The following ZNF469 variants were observed in gnomAD, a reference collection of about 807,000 sequenced individuals.
ZNF469 encodes zinc finger protein 469.
Under a neutral mutation model 1.0 loss-of-function variants are expected in ZNF469, and 1 was observed. The observed-to-expected ratio is 1.00, with a 90% CI of 0.35 to 4.73. ZNF469 has a LOEUF of 4.73. Among genes scored for constraint, ZNF469 ranks in the 30% most tolerant of loss-of-function variants. ZNF469 has a pLI of 0.16. For synonymous variants in ZNF469, 2,703 were observed against 2,363.4 expected (o/e 1.14, Z -4.17); for missense variants, 6,100 against 5,356.3 (o/e 1.14, Z -4.33).
the ZNF469 span, among the ~76,000 whole-genome samples, chr16:88,256,190 C>G: frequency 6.6e-6 from 1 of 152,182 alleles, no homozygotes; most frequent in African/African-American, 2.4e-5. Context: ...CCTAAAAATC[C>G]TCTCTGTCCT....
chr16:88,115,130 C>T, the ZNF469 span, among the ~76,000 whole-genome samples: 71,863 of 152,020 alleles, frequency 0.47, 18,008 homozygotes, highest in Middle Eastern at 0.6. Context: ...TGGTCTGTGC[C>T]GGGCTCTGCG....
chr16:88,390,499 C>T (rs1480255975), intron 1 of ZNF469, among the ~76,000 whole-genome samples: 3 of 152,232 alleles, frequency 2.0e-5, no homozygotes, highest in Non-Finnish European at 4.4e-5. Context: ...CCCCACTGCT[C>T]CTCCTGACCC....
chr16:88,111,454 G>A, the ZNF469 span, among the ~76,000 whole-genome samples: 2 of 152,062 alleles, frequency 1.3e-5, no homozygotes, highest in Admixed American at 1.3e-4. Flanking sequence ...TGTTGACTGT[G>A]CTCACCCTGT....
At chr16:88,253,926 A>C in the ZNF469 span, among the ~76,000 whole-genome samples, 12 of 151,752 alleles carry the variant, frequency 7.9e-5, no homozygotes, top group Admixed American at 5.3e-4. Flanking sequence ...TTCCATGCCA[A>C]ATCTACATTG....
upstream of ZNF469, among the ~76,000 whole-genome samples, chr16:88,380,843 G>A (rs1325672694): frequency 1.0e-5 from 1 of 96,112 alleles, no homozygotes; most frequent in Non-Finnish European, 2.2e-5. Context: ...CACTCACACA[G>A]ACATGCACTC....
At chr16:88,203,876 C>T in the ZNF469 span, among the ~76,000 whole-genome samples, 3 of 152,288 alleles carry the variant, frequency 2.0e-5, no homozygotes, top group South Asian at 4.1e-4. Flanking sequence ...GACACTCACA[C>T]GGGTCGGGGG....
chr16:88,430,679 G>C lies in ZNF469; in HGVS notation c.3209G>C (p.Gly1070Ala). 5 of 1,493,940 alleles carry C rather than the reference G, an allele frequency of 3.3e-6. No homozygotes were observed. The highest frequency in any genetic ancestry group is 4.4e-6 in the Non-Finnish European group (5 of 1,128,904). 92.5% of individuals were successfully genotyped at this position (1,493,940 alleles called of 1,614,324 possible). Residue 1070 changes from glycine (G) to alanine (A), a missense_variant, in exon 3 of 3, where the codon GGC becomes GCC. Coordinates refer to ENST00000565624, the MANE Select transcript of ZNF469 (RefSeq NM_001367624.2). Reference sequence around the variant, plus strand: ...CACCGGCGGCTGGGGCGGCGGGCGGGCAGGTGCGGCTCCCTGGCGGCGGGG... The same window carrying C: ...CACCGGCGGCTGGGGCGGCGGGCGGCCAGGTGCGGCTCCCTGGCGGCGGGG... Reference protein sequence around the residue: ...RRHRRLGRRAGRCGSLAAGRP... With the variant: ...RRHRRLGRRAARCGSLAAGRP...
At chr16:88,231,962 G>A in the ZNF469 span, among the ~76,000 whole-genome samples, 1 of 152,266 alleles carries the variant, frequency 6.6e-6, no homozygotes, top group African/African-American at 2.4e-5. The surrounding 1 kb of genome is among the most constrained non-coding windows in gnomAD (Gnocchi z 4.5). Context: ...CAGGAGGCAG[G>A]GAATGAACAC....
the ZNF469 span, among the ~76,000 whole-genome samples, chr16:88,203,174 C>T: frequency 6.6e-6 from 1 of 152,144 alleles, no homozygotes; most frequent in South Asian, 2.1e-4. Flanking sequence ...TCCGGAGCAT[C>T]CTCGAGTTGC....
chr16:88,227,468 C>G, the ZNF469 span, among the ~76,000 whole-genome samples: 1 of 151,870 alleles, frequency 6.6e-6, no homozygotes, highest in Non-Finnish European at 1.5e-5. Context: ...TTCTCCCTGT[C>G]TCCCCATCTC....
chr16:88,203,231 C>T, the ZNF469 span, among the ~76,000 whole-genome samples: 1 of 152,110 alleles, frequency 6.6e-6, no homozygotes, highest in South Asian at 2.1e-4. Context: ...GAGGAGCCCC[C>T]AACCCACAGG....
Position 88,432,440 on chromosome 16 carries a change from C to A in ZNF469, c.4970C>A (p.Thr1657Lys), listed in dbSNP as rs1411166680. ...VEAVQGRPGGTWPCPASFHPG... is the reference protein window; with the variant it reads ...VEAVQGRPGGKWPCPASFHPG... ...GCGGTTCAGGGGAGGCCTGGGGGGA[C>A]GTGGCCCTGCCCAGCCTCCTTCCAT... Residue 1657 changes from threonine (T) to lysine (K), a missense_variant, in exon 3 of 3, where the codon ACG becomes AAG. Thr to Lys is a moderately conservative substitution (Grantham distance 78). Coordinates refer to ENST00000565624, the MANE Select transcript of ZNF469 (RefSeq NM_001367624.2). The A allele has an allele frequency of 1.3e-6, 2 of 1,550,108 alleles. No individual in the cohort carries two copies. The highest frequency in any genetic ancestry group is 2.7e-5 in the African/African-American group (2 of 73,050).
chr16:88,247,595 A>AGTGAATG, the ZNF469 span, among the ~76,000 whole-genome samples: 2 of 132,024 alleles, frequency 1.5e-5, no homozygotes, highest in Admixed American at 7.9e-5. Flanking sequence ...TGACTGAGTG[A>AGTGAATG]ACGAGTGAGT....
intron 1 of ZNF469, among the ~76,000 whole-genome samples, chr16:88,414,331 G>A (rs1012415486): frequency 3.9e-5 from 6 of 152,240 alleles, no homozygotes; most frequent in Admixed American, 1.3e-4. Flanking sequence ...GCTGGGCATC[G>A]GGAAACGGGA....
chr16:88,439,297 T>C lies in ZNF469; in HGVS notation c.11827T>C (p.Phe3943Leu). The C allele has an allele frequency of 4.5e-6, 7 of 1,550,410 alleles. No individual in the cohort carries two copies. Among genetic ancestry groups the C allele is most frequent in the Non-Finnish European group, 6.1e-6 (7 of 1,146,984 alleles). The change falls in exon 3 of 3, where the codon TTC (phenylalanine) becomes CTC (leucine). Residue 3943 changes from phenylalanine to leucine, a missense_variant. Phe to Leu is a conservative substitution (Grantham distance 22, BLOSUM62 0). Transcript: ENST00000565624. ...GCTCTTCGGGCAGAGACTAACTGGC[T>C]TCAAAATCCCTTTAAAGAAAGATGC... ...SQLFGQRLTGFKIPLKKDASE is the reference protein window; with the variant it reads ...SQLFGQRLTGLKIPLKKDASE
At chr16:88,147,467 G>A in the ZNF469 span, among the ~76,000 whole-genome samples, 4 of 152,184 alleles carry the variant, frequency 2.6e-5, no homozygotes, top group South Asian at 6.2e-4. Flanking sequence ...CCAGGGCTGC[G>A]AATTCAGGCC....
At chr16:88,358,437 T>C in the ZNF469 span, among the ~76,000 whole-genome samples, 1 of 152,096 alleles carries the variant, frequency 6.6e-6, no homozygotes, top group African/African-American at 2.4e-5. Context: ...ACAACTCGAA[T>C]GTCTGTAAAA....
At chr16:88,359,350 C>T in the ZNF469 span, among the ~76,000 whole-genome samples, 1 of 149,206 alleles carries the variant, frequency 6.7e-6, no homozygotes, top group Non-Finnish European at 1.5e-5. Context: ...CTGAGCGTCC[C>T]GGGGGCTTGG....
chr16:88,365,228 G>C, the ZNF469 span, among the ~76,000 whole-genome samples: 2 of 152,318 alleles, frequency 1.3e-5, no homozygotes, highest in South Asian at 4.1e-4. Context: ...AGGCCTGTGT[G>C]CCAGATATTA....
Sources: allele counts gnomAD v4.1 joint callset (sites outside exome capture counted in the v4.1 genomes callset), GRCh38; gene constraint gnomAD v4.1.1; non-coding constraint Gnocchi (gnomAD v3.1); transcripts MANE v1.5; gene names NCBI Gene and HGNC (gene_info 2026-07-23, HGNC 2026-07-21).